Variants in INVS observed in about 807,000 individuals in gnomAD.
INVS encodes inversion of embryo turning homolog.
A neutral mutation model predicts 108.8 loss-of-function variants in INVS; 86 were observed. That is an observed-to-expected ratio of 0.79 (90% CI 0.66 to 0.95). The LOEUF (loss-of-function observed/expected upper bound fraction) is 0.95. Ranked by LOEUF, INVS falls within the 40% of genes least tolerant of loss-of-function variation. The probability of loss-of-function intolerance (pLI) is 0.00; values close to 1 mark genes in which losing one functional copy is unlikely to be tolerated. For missense variants in INVS, 1,169 were observed against 1,297.4 expected, an observed-to-expected ratio of 0.90 and a Z score of 1.52; for synonymous variants, 455 against 473.5, an observed-to-expected ratio of 0.96 and a Z score of 0.51.
At chr9:100,146,453 C>T (rs1316773953) in intron 3 of INVS, among the ~76,000 whole-genome samples, 1 of 152,128 alleles carries the variant, frequency 6.6e-6, no homozygotes, top group East Asian at 1.9e-4. Flanking sequence ...AGGCAGGAAC[C>T]AGCCATCTGG....
intron 3 of INVS, among the ~76,000 whole-genome samples, chr9:100,127,708 T>C (rs1827930119): frequency 6.6e-6 from 1 of 152,226 alleles, no homozygotes; most frequent in African/African-American, 2.4e-5. Flanking sequence ...CTACTGAATA[T>C]GCTAGTTATA....
chr9:100,211,535 T>C (rs1830830670), intron 3 of INVS, among the ~76,000 whole-genome samples: 1 of 152,244 alleles, frequency 6.6e-6, no homozygotes, highest in Non-Finnish European at 1.5e-5. Context: ...AGTAACATTT[T>C]CTCCTTCTCT....
At position 100,252,998 on chromosome 9, in the gene INVS, A is replaced by C; in HGVS notation, c.1326A>C (p.Leu442Phe). 4 of 1,613,970 alleles carry C rather than the reference A, an allele frequency of 2.5e-6. No individual in the cohort carries two copies. The highest frequency in any genetic ancestry group is 3.4e-6 in the Non-Finnish European group (4 of 1,179,862). Residue 442 changes from leucine (L) to phenylalanine (F), a missense_variant, in exon 10 of 17, where the codon TTA becomes TTC. Physicochemically the swap from Leu to Phe is conservative, Grantham distance 22. This residue lies in a region of INVS where 271 missense variants were observed against 363.8 expected (regional missense o/e 0.74). Coordinates refer to ENST00000262457, the MANE Select transcript of INVS (RefSeq NM_014425.5). Reference protein sequence around the residue: ...LGGNADVCQILIENKINPNVQ... With the variant: ...LGGNADVCQIFIENKINPNVQ... Reference sequence around the variant, plus strand: ...GAAATGCTGATGTTTGCCAGATATTAATAGAAAATAAGATCAATCCAAATG... The same window carrying C: ...GAAATGCTGATGTTTGCCAGATATTCATAGAAAATAAGATCAATCCAAATG...
chr9:100,268,304 A>G (rs1248158185), intron 11 of INVS, among the ~76,000 whole-genome samples: 2 of 152,156 alleles, frequency 1.3e-5, no homozygotes, highest in African/African-American at 4.8e-5. Flanking sequence ...TAATTACTAC[A>G]TTTTTCAAGA....
At chr9:100,244,897 G>T (rs1831996571) in intron 7 of INVS, among the ~76,000 whole-genome samples, 1 of 152,182 alleles carries the variant, frequency 6.6e-6, no homozygotes, top group South Asian at 2.1e-4. Flanking sequence ...AGAAAGCAGT[G>T]TGTGATGCTG....
intron 2 of INVS, among the ~76,000 whole-genome samples, chr9:100,125,059 A>C (rs551388059): frequency 2.0e-5 from 3 of 152,210 alleles, no homozygotes; most frequent in African/African-American, 4.8e-5. Flanking sequence ...AGCTTTTGCT[A>C]TCTTGATTCT....
intron 5 of INVS, among the ~76,000 whole-genome samples, chr9:100,233,630 T>C (rs1052895711): frequency 1.3e-5 from 2 of 152,182 alleles, no homozygotes; most frequent in Non-Finnish European, 2.9e-5. Flanking sequence ...GAGATAATCA[T>C]GTGGTTTTTG....
rs1185531499 is a variant in INVS at position 100,297,935 on chromosome 9, G to C, written c.3017-1G>C. ...AAGTAACAGTTGTTGGTTCATTTCA[G>C]GTTGTTCTCACGAAGGGAAAATACA... is the stretch of plus-strand genomic sequence containing the variant. On this transcript the variant is annotated splice_acceptor_variant, in intron 15 of 16. Coordinates refer to ENST00000262457, the MANE Select transcript of INVS (RefSeq NM_014425.5). LOFTEE classifies it high-confidence loss of function. The C allele has an allele frequency of 1.2e-6, 2 of 1,614,142 alleles. No individual in the cohort carries two copies. Among genetic ancestry groups the C allele is most frequent in the Non-Finnish European group, 1.7e-6 (2 of 1,179,998 alleles).
At chr9:100,228,952 T>C (rs1408278267) in intron 4 of INVS, among the ~76,000 whole-genome samples, 1 of 152,222 alleles carries the variant, frequency 6.6e-6, no homozygotes, top group East Asian at 1.9e-4. Flanking sequence ...TCTGTTCATA[T>C]CTTCTACCCA....
At chr9:100,144,115 C>T (rs937149014) in intron 3 of INVS, among the ~76,000 whole-genome samples, 5 of 151,962 alleles carry the variant, frequency 3.3e-5, no homozygotes, top group South Asian at 2.1e-4. Flanking sequence ...TCCTGGGCTG[C>T]GGGCATTCCT....
At chr9:100,280,163 T>C (rs576722914) in intron 12 of INVS, among the ~76,000 whole-genome samples, 2 of 152,284 alleles carry the variant, frequency 1.3e-5, no homozygotes, top group South Asian at 4.1e-4. Flanking sequence ...GGGTCTTAGA[T>C]TTGGTTTTAG....
At chr9:100,243,676 T>C (rs1459584564) in intron 7 of INVS, among the ~76,000 whole-genome samples, 2 of 152,158 alleles carry the variant, frequency 1.3e-5, no homozygotes, top group Non-Finnish European at 2.9e-5. Flanking sequence ...GCCTTCTACA[T>C]GGGTATGCAT....
intron 3 of INVS, among the ~76,000 whole-genome samples, chr9:100,219,041 C>G (rs1353060615): frequency 6.6e-6 from 1 of 152,050 alleles, no homozygotes; most frequent in East Asian, 1.9e-4. Context: ...CTAATGCTAA[C>G]AAAGCAAACA....
intron 3 of INVS, among the ~76,000 whole-genome samples, chr9:100,133,667 T>C (rs1007053470): frequency 6.6e-6 from 1 of 151,848 alleles, no homozygotes; most frequent in Non-Finnish European, 1.5e-5. Context: ...TGATTGATGG[T>C]GAAGATATGG....
intron 3 of INVS, among the ~76,000 whole-genome samples, chr9:100,216,951 C>T (rs1465439553): frequency 6.6e-6 from 1 of 152,190 alleles, no homozygotes; most frequent in East Asian, 1.9e-4. Flanking sequence ...GGTCTTCTCA[C>T]CCTTGAACCT....
At chr9:100,103,221 G>A (rs1827060064) in intron 1 of INVS, among the ~76,000 whole-genome samples, 1 of 152,188 alleles carries the variant, frequency 6.6e-6, no homozygotes, top group East Asian at 1.9e-4. Context: ...ATGCAATGGT[G>A]TGATCTCAGC....
At chr9:100,178,401 G>C (rs762019403) in intron 3 of INVS, among the ~76,000 whole-genome samples, 11 of 152,182 alleles carry the variant, frequency 7.2e-5, no homozygotes, top group Non-Finnish European at 1.6e-4. Context: ...AAAAAGGTTA[G>C]AGGAATTGCT....
At position 100,229,736 on chromosome 9, in the gene INVS, T is replaced by C. The variant is rs766187142; in HGVS notation, c.524T>C (p.Ile175Thr). 7.1e-5 allele frequency: 114 copies of C among 1,613,888 alleles called. No individual in the cohort carries two copies. Among genetic ancestry groups the C allele is most frequent in the Non-Finnish European group, 8.9e-5 (105 of 1,179,892 alleles). ...VKLLIKHDSNIGIPDVEGKIP... is the reference protein window; with the variant it reads ...VKLLIKHDSNTGIPDVEGKIP... ...CTGCTCATCAAGCATGATTCTAACA[T>C]TGGGATTCCTGATGTTGAAGGCAAG... The change falls in exon 5 of 17, where the codon ATT (isoleucine) becomes ACT (threonine). Residue 175 changes from isoleucine (I) to threonine (T), a missense_variant. Coordinates refer to ENST00000262457, the MANE Select transcript of INVS (RefSeq NM_014425.5).
At chr9:100,284,184 A>G in intron 12 of INVS, 136 bp from the exon 13 acceptor site, 1 of 988,526 alleles carries the variant, frequency 1.0e-6, no homozygotes, top group Admixed American at 2.3e-5. Context: ...TGGAGAAAAG[A>G]CTGCTCTTGG....
Sources: allele counts gnomAD v4.1 joint callset (sites outside exome capture counted in the v4.1 genomes callset), GRCh38; gene constraint gnomAD v4.1.1; regional missense constraint gnomAD v4.1.1; transcripts MANE v1.5; gene names NCBI Gene and HGNC (gene_info 2026-07-23, HGNC 2026-07-21).